Variants in SLC2A9 observed in about 807,000 individuals in gnomAD.
SLC2A9 encodes solute carrier family 2 member 9, also known as solute carrier family 2, facilitated glucose transporter member 9.
SLC2A9 carries 39 observed loss-of-function variants against 50.6 expected under a neutral mutation model. The ratio of observed to expected loss-of-function variants is 0.77; its 90% CI spans 0.60 to 1.01. The LOEUF is 1.01. Ranked by LOEUF, SLC2A9 falls within the 50% of genes least tolerant of loss-of-function variation. SLC2A9 has a pLI of 0.00. For missense variants in SLC2A9, 686 were observed against 677.6 expected (o/e 1.01, Z -0.14); for synonymous variants, 324 against 276.9 (o/e 1.17, Z -1.69).
At chr4:9,938,261 T>C (rs1028764629) in intron 6 of SLC2A9, among the ~76,000 whole-genome samples, 1 of 146,490 alleles carries the variant, frequency 6.8e-6, no homozygotes, top group Non-Finnish European at 1.5e-5. Context: ...GGATTAATGA[T>C]CTTTTGCTAT....
chr4:9,799,132 C>G (rs1720977787), exon 4 of SLC2A9: 3 of 152,128 alleles, frequency 2.0e-5, no homozygotes, highest in Non-Finnish European at 4.4e-5. Flanking sequence ...AGTTCTTGTT[C>G]CTCTCTACAG....
chr4:9,902,265 C>G (rs962042162), intron 8 of SLC2A9, among the ~76,000 whole-genome samples: 7 of 152,286 alleles, frequency 4.6e-5, no homozygotes, highest in African/African-American at 1.7e-4. Context: ...TGTCTGTGAC[C>G]CCATGAGGAG....
intron 2 of SLC2A9, chr4:10,006,448 G>A (rs1424203859): frequency 2.0e-5 from 3 of 152,140 alleles, no homozygotes; most frequent in Non-Finnish European, 4.4e-5. Context: ...ATGCCTTAGG[G>A]CTTTATAAAG....
chr4:10,002,496 T>C (rs1760017938), intron 2 of SLC2A9, among the ~76,000 whole-genome samples: 2 of 152,222 alleles, frequency 1.3e-5, no homozygotes, highest in South Asian at 2.1e-4. Flanking sequence ...AACTGAACTC[T>C]TGAACTTATG....
intron 10 of SLC2A9, among the ~76,000 whole-genome samples, chr4:9,853,374 T>G (rs1028640451): frequency 2.6e-5 from 4 of 152,066 alleles, no homozygotes; most frequent in African/African-American, 4.8e-5. Flanking sequence ...ACAAAACAGA[T>G]TTTAAACCAA....
chr4:9,948,794 T>C (rs1234117295), intron 5 of SLC2A9, among the ~76,000 whole-genome samples: 1 of 152,236 alleles, frequency 6.6e-6, no homozygotes, highest in East Asian at 1.9e-4. Context: ...CAGGCACTGA[T>C]CTGAGCTCAT....
At chr4:9,896,318 C>A (rs1485953683) in intron 8 of SLC2A9, among the ~76,000 whole-genome samples, 1 of 152,172 alleles carries the variant, frequency 6.6e-6, no homozygotes, top group Non-Finnish European at 1.5e-5. Flanking sequence ...AATGGTATCT[C>A]ACTGTTGGTT....
At chr4:10,036,726 C>G (rs1764118723) in intron 1 of SLC2A9, among the ~76,000 whole-genome samples, 1 of 152,210 alleles carries the variant, frequency 6.6e-6, no homozygotes, top group Admixed American at 6.5e-5. Context: ...TAAATCATTC[C>G]TCCATCATCC....
intron 8 of SLC2A9, among the ~76,000 whole-genome samples, chr4:9,894,972 T>C (rs1246512168): frequency 2.6e-5 from 4 of 152,236 alleles, no homozygotes; most frequent in Non-Finnish European, 5.9e-5. Context: ...TATCATGTGT[T>C]ACATTGTTTT....
chr4:9,899,654 A>G (rs1237810169), intron 8 of SLC2A9, among the ~76,000 whole-genome samples: 1 of 152,242 alleles, frequency 6.6e-6, no homozygotes, highest in Non-Finnish European at 1.5e-5. Context: ...ATGAATGTGC[A>G]TAAAAGGTAT....
chr4:9,909,385 C>A (rs1459526290), intron 7 of SLC2A9, among the ~76,000 whole-genome samples: 1 of 152,204 alleles, frequency 6.6e-6, no homozygotes, highest in Non-Finnish European at 1.5e-5. Context: ...GCCCTCGCAA[C>A]TTATTTCATG....
intron 3 of SLC2A9, among the ~76,000 whole-genome samples, chr4:9,993,157 G>T (rs963899875): frequency 5.3e-5 from 8 of 152,202 alleles, no homozygotes; most frequent in African/African-American, 1.7e-4. Context: ...GATGAATATG[G>T]TTACGTGGCT....
At chr4:9,785,182 A>C (rs1344303498) in intron 3 of SLC2A9, among the ~76,000 whole-genome samples, 1 of 152,176 alleles carries the variant, frequency 6.6e-6, no homozygotes, top group African/African-American at 2.4e-5. Context: ...TGAGTGAGTC[A>C]ATTAACCTTT....
rs773582812 is a variant in SLC2A9 at position 9,920,603 on chromosome 4, C to T, written c.815-31G>A. The stretch of plus-strand genomic sequence containing the variant: ...AACAGAGGCACACATGGACTTTCAG[C>T]AGGGATTAGAGTGTCCATCATGTCT... On this transcript the variant is annotated intron_variant, in intron 6 of 11. Transcript: ENST00000264784. 4.3e-6 allele frequency: 7 copies of T among 1,613,416 alleles called. No individual in the cohort carries two copies. The African/African-American group carries it at 9.3e-5, about 22-fold the overall frequency.
intron 9 of SLC2A9, among the ~76,000 whole-genome samples, chr4:9,889,154 G>C (rs1229601635): frequency 6.6e-6 from 1 of 152,180 alleles, no homozygotes; most frequent in Admixed American, 6.5e-5. Context: ...CCCAGACTTG[G>C]AAGCAAGGGG....
rs936799462 is a variant in SLC2A9, at chr4:9,869,940, G to C, written c.1291+17627C>G. ...CATATGATTAGGTTAAGGATGTTGA[G>C]AGGAGGACCTGGGTCCTAAATGCAA... On this transcript the variant is annotated intron_variant, in intron 10 of 11. Coordinates refer to ENST00000264784, the MANE Select transcript of SLC2A9 (RefSeq NM_020041.3). Among the ~76,000 whole-genome samples the C allele has an allele frequency of 1.2e-4, 19 of 152,384 alleles. No individual in the cohort carries two copies. In the East Asian group the frequency reaches 3.7e-3, roughly 29 times the overall value.
intron 5 of SLC2A9, among the ~76,000 whole-genome samples, chr4:9,943,025 G>A (rs1748473675): frequency 6.6e-6 from 1 of 152,186 alleles, no homozygotes; most frequent in Non-Finnish European, 1.5e-5. Flanking sequence ...CCCATGGGAA[G>A]TTACCCTCAG....
intron 5 of SLC2A9, among the ~76,000 whole-genome samples, chr4:9,949,810 A>C (rs1749886385): frequency 6.6e-6 from 1 of 152,246 alleles, no homozygotes; most frequent in African/African-American, 2.4e-5. Flanking sequence ...CCAATAGCTC[A>C]TGCTATTACA....
chr4:9,868,148 T>G (rs1352862749), intron 10 of SLC2A9, among the ~76,000 whole-genome samples: 2 of 152,230 alleles, frequency 1.3e-5, no homozygotes, highest in Admixed American at 6.5e-5. Flanking sequence ...AGCCCTCTGC[T>G]ATGTTCCTGC....
Sources: gnomAD v4.1 joint callset for allele counts (sites outside exome capture counted in the v4.1 genomes callset) on GRCh38, gnomAD v4.1.1 for gene constraint, MANE v1.5 for transcripts, NCBI Gene and HGNC (gene_info 2026-07-23, HGNC 2026-07-21) for gene names.